Variants in LSM6 observed in about 807,000 individuals in gnomAD.
LSM6 encodes the protein U6 snRNA-associated Sm-like protein LSm6.
In LSM6, 2 loss-of-function variants were observed where a neutral mutation model predicts 13.5. That is an observed-to-expected ratio of 0.15 (90% confidence interval 0.06 to 0.47). The LOEUF (loss-of-function observed/expected upper bound fraction) is 0.47, where lower values mean the gene tolerates loss of function less well. Ranked by LOEUF, LSM6 falls within the 20% of genes least tolerant of loss-of-function variation. The pLI, the probability that LSM6 is intolerant of heterozygous loss-of-function variation, is 0.97. For missense variants in LSM6, 58 were observed against 96.4 expected (o/e 0.60, Z 1.67); for synonymous variants, 43 against 34.9 (o/e 1.23, Z -0.82).
chr4:146,181,641 A>G (rs1011904312), intron 1 of LSM6, among the ~76,000 whole-genome samples: 8 of 152,332 alleles, frequency 5.3e-5, no homozygotes, highest in African/African-American at 1.9e-4. Flanking sequence ...TAATGAAAAA[A>G]TTTCATTGAA....
At chr4:146,186,908 T>G (rs1730361790) in intron 2 of LSM6, among the ~76,000 whole-genome samples, 1 of 152,258 alleles carries the variant, frequency 6.6e-6, no homozygotes, top group South Asian at 2.1e-4. Flanking sequence ...AAGGATCATT[T>G]GTTTATGCAT....
chr4:146,180,552 TC>T (rs2110881187), intron 1 of LSM6, among the ~76,000 whole-genome samples: 1 of 152,376 alleles, frequency 6.6e-6, no homozygotes, highest in East Asian at 1.9e-4. Context: ...CATTCTTTTT[TC>T]TGACAGTTAT....
chr4:146,176,175 C>G (rs932939164), intron 1 of LSM6: 13 of 152,440 alleles, frequency 8.5e-5, no homozygotes, highest in African/African-American at 2.9e-4. Flanking sequence ...CAGGGAGCCC[C>G]GACGCTAATC....
At chr4:146,183,038 T>A in intron 2 of LSM6, 23 bp downstream of exon 2, 1 of 1,475,550 alleles carries the variant, frequency 6.8e-7, no homozygotes, top group Non-Finnish European at 9.5e-7. Context: ...TGTTTCAACC[T>A]CACTGGTATA....
intron 1 of LSM6, among the ~76,000 whole-genome samples, chr4:146,182,210 A>G (rs1406491751): frequency 1.3e-5 from 2 of 152,212 alleles, no homozygotes; most frequent in African/African-American, 2.4e-5. Flanking sequence ...CTTTTAGGGT[A>G]GAGCAATTTA....
chr4:146,188,654 G>T (rs1397264706), intron 3 of LSM6, among the ~76,000 whole-genome samples: 4 of 152,100 alleles, frequency 2.6e-5, no homozygotes, highest in Admixed American at 2.6e-4. Flanking sequence ...CTCTAGTTTG[G>T]CCAAAGTGAC....
intron 2 of LSM6, among the ~76,000 whole-genome samples, chr4:146,186,162 A>G (rs932612311): frequency 1.3e-5 from 2 of 152,204 alleles, no homozygotes; most frequent in Non-Finnish European, 2.9e-5. Context: ...AAACGAGCTA[A>G]AGTTGTAGCT....
chr4:146,181,763 C>A (rs1308875183), intron 1 of LSM6, among the ~76,000 whole-genome samples: 2 of 152,160 alleles, frequency 1.3e-5, no homozygotes, highest in Non-Finnish European at 2.9e-5. Flanking sequence ...CTGAATTTGA[C>A]TGAAACAGAA....
In LSM6 at chr4:146,186,425, A is replaced by C. The variant is rs1730350062; in HGVS notation, c.95-849A>C. Among the ~76,000 whole-genome samples the C allele has an allele frequency of 2.6e-5, 4 of 151,866 alleles. No individual in the cohort carries two copies. The South Asian group carries it at 6.2e-4, about 24-fold the overall frequency. On this transcript the variant is annotated intron_variant, in intron 2 of 3. Coordinates refer to ENST00000296581, the MANE Select transcript of LSM6 (RefSeq NM_007080.3). The stretch of plus-strand genomic sequence containing the variant: ...TGAATCTAGTATTTGTTTTTACTTA[A>C]ATTTTTTTTTCTAGGAAATACCACT...
chr4:146,184,625 G>T (rs1217553037), intron 2 of LSM6, among the ~76,000 whole-genome samples: 1 of 152,058 alleles, frequency 6.6e-6, no homozygotes, highest in Non-Finnish European at 1.5e-5. Context: ...AGACTTCTAG[G>T]GGTTTTAATC....
At chr4:146,184,853 T>C (rs181441611) in intron 2 of LSM6, among the ~76,000 whole-genome samples, 72 of 152,338 alleles carry the variant, frequency 4.7e-4, no homozygotes, top group African/African-American at 1.7e-3. Context: ...GGATCCCCAA[T>C]GCTACTATCC....
chr4:146,182,043 C>T (rs1730244068), intron 1 of LSM6, among the ~76,000 whole-genome samples: 1 of 152,100 alleles, frequency 6.6e-6, no homozygotes. Context: ...AATTAAAAAT[C>T]TTTGACTGTG....
rs1318452058 is a variant in LSM6 at position 146,191,236 on chromosome 4, A to G, written c.*1580A>G. 4.6e-5 allele frequency: 7 copies of G among 152,182 alleles called. No homozygotes were observed. Among genetic ancestry groups the G allele is most frequent in the Admixed American group, 3.9e-4 (6 of 15,280 alleles). The allele number at this position is 152,182 out of a possible 1,614,324, so 9.4% of individuals were successfully genotyped here. On this transcript the variant is annotated 3_prime_UTR_variant, in exon 4 of 4. Transcript: ENST00000296581. ...CTCCAAGTGGAGCATACATGTTCTCATTTGTTTTGTAGAATATGTGGGGCT... is the reference window on the plus strand; with the variant it reads ...CTCCAAGTGGAGCATACATGTTCTCGTTTGTTTTGTAGAATATGTGGGGCT...
chr4:146,185,994 C>A (rs1302339463), intron 2 of LSM6, among the ~76,000 whole-genome samples: 1 of 152,184 alleles, frequency 6.6e-6, no homozygotes, highest in Non-Finnish European at 1.5e-5. Context: ...GCTTCTACCT[C>A]CCAAAGTACT....
At chr4:146,180,860 G>T (rs1730217061) in intron 1 of LSM6, 1 of 152,166 alleles carries the variant, frequency 6.6e-6, no homozygotes. Context: ...CCTCAAAACA[G>T]CATGTATTCA....
chr4:146,189,875 G>A lies in LSM6; in HGVS notation c.*219G>A. ...CATTTTCTTTTACCTCGTTGTCAGT[G>A]TACAGAATGCTAAAATAATTAAAAA... On this transcript the variant is annotated 3_prime_UTR_variant, in exon 4 of 4. Coordinates refer to ENST00000296581, the MANE Select transcript of LSM6 (RefSeq NM_007080.3). 4.3e-6 allele frequency: 2 copies of A among 460,540 alleles called. No individual in the cohort carries two copies. Among genetic ancestry groups the A allele is most frequent in the South Asian group, 4.3e-5 (1 of 23,356 alleles). The allele number at this position is 460,540 out of a possible 1,614,324, so 28.5% of individuals were successfully genotyped here.
At position 146,182,936 on chromosome 4, in the gene LSM6, G is replaced by A. The variant is rs756032610; in HGVS notation, c.15G>A (p.Lys5=). ...GGATTGTTAAAATGAGTCTTCGGAA[G>A]CAAACCCCTAGTGACTTCTTAAAGC... MSLR[K]QTPSDFLKQI... Residue 5 remains lysine, a synonymous_variant, in exon 2 of 4, where the codon AAG becomes AAA. Coordinates refer to ENST00000296581, the MANE Select transcript of LSM6 (RefSeq NM_007080.3). 1 of 1,611,734 alleles carries A rather than the reference G, an allele frequency of 6.2e-7. No homozygotes were observed. Among genetic ancestry groups the A allele is most frequent in the Non-Finnish European group, 8.5e-7 (1 of 1,177,924 alleles).
At position 146,190,821 on chromosome 4, in the gene LSM6, C is replaced by T. The variant is rs180874059; in HGVS notation, c.*1165C>T. 3.2e-4 allele frequency: 48 copies of T among 152,312 alleles called. No individual in the cohort carries two copies. The highest frequency in any genetic ancestry group is 1.2e-3 in the African/African-American group (48 of 41,544). 9.4% of individuals were successfully genotyped at this position (152,312 alleles called of 1,614,324 possible). A position where few individuals can be genotyped will look rare whatever the true frequency, so the allele number is the denominator to read the frequency against. The stretch of plus-strand genomic sequence containing the variant: ...GTTGTATTGGACTTCCTCTTCCCTC[C>T]CTTCCCAATCTAAATAGCATTCCTA... On this transcript the variant is annotated 3_prime_UTR_variant, in exon 4 of 4. Coordinates refer to ENST00000296581, the MANE Select transcript of LSM6 (RefSeq NM_007080.3).
At position 146,182,942 on chromosome 4, in the gene LSM6, C is replaced by T. The variant is rs556642228; in HGVS notation, c.21C>T (p.Thr7=). The T allele has an allele frequency of 6.2e-6, 10 of 1,612,358 alleles. No individual in the cohort carries two copies. In the African/African-American group the frequency reaches 1.2e-4, roughly 19 times the overall value. ...TTAAAATGAGTCTTCGGAAGCAAAC[C>T]CCTAGTGACTTCTTAAAGCAAATCA... The part of the protein sequence containing the change: MSLRKQ[T]PSDFLKQIIG... Residue 7 remains threonine (T), a synonymous_variant, in exon 2 of 4, where the codon ACC becomes ACT. Coordinates refer to ENST00000296581, the MANE Select transcript of LSM6 (RefSeq NM_007080.3).
Sources: allele counts gnomAD v4.1 joint callset (sites outside exome capture counted in the v4.1 genomes callset), GRCh38; gene constraint gnomAD v4.1.1; transcripts MANE v1.5; gene names NCBI Gene and HGNC (gene_info 2026-07-23, HGNC 2026-07-21).